Variants in EOLA2 observed in about 807,000 individuals in gnomAD.
EOLA2 encodes the protein endothelium and lymphocyte associated ASCH domain 2.
Under a neutral mutation model 4.1 loss-of-function variants are expected in EOLA2, and 3 were observed. The ratio of observed to expected loss-of-function variants is 0.73; its 90% CI spans 0.33 to 1.89. EOLA2 has a LOEUF of 1.89. Among genes scored for constraint, EOLA2 ranks in the 40% most tolerant of loss-of-function variants. EOLA2 has a pLI of 0.08. For synonymous variants in EOLA2, 52 were observed against 51.7 expected, an observed-to-expected ratio of 1.01 and a Z score of -0.03; for missense variants, 109 against 126.4, an observed-to-expected ratio of 0.86 and a Z score of 0.66.
intron 2 of EOLA2, chrX:149,934,630 A>T (rs1557375489): frequency 1.3e-6 from 1 of 751,304 alleles, no homozygotes; most frequent in African/African-American, 2.3e-5. Flanking sequence ...CATGCCTTCC[A>T]CGTGCCAGCC....
chrX:149,937,875 A>C (rs1488290791), intron 1 of EOLA2, among the ~76,000 whole-genome samples: 1 of 112,875 alleles, frequency 8.9e-6, no homozygotes, highest in African/African-American at 3.2e-5. Context: ...GCACGGGGCC[A>C]CAGGCCACAG....
At position 149,933,333 on chromosome X, in the gene EOLA2, CCAAACACCA is replaced by C. The variant is rs1170263292; in HGVS notation, c.253+280_253+288del. 2.2e-4 allele frequency among the ~76,000 whole-genome samples: 23 copies of C among 106,904 alleles called. No individual in the cohort carries two copies. The East Asian group carries it at 6.3e-3, about 29-fold the overall frequency. 92.8% of individuals were successfully genotyped at this position (106,904 alleles called of 115,157 possible). A position where few individuals can be genotyped will look rare whatever the true frequency, so the allele number is the denominator to read the frequency against. ...CACATGTATGTGCAAATACACACAG[CCAAACACCA>C]CAAACACCATGTGCACATGGCCCTG... On this transcript the variant is annotated intron_variant, in intron 4 of 4. Coordinates refer to ENST00000370406, the MANE Select transcript of EOLA2 (RefSeq NM_001013845.2).
chrX:149,931,701 A>G (rs1291284002), downstream of EOLA2, among the ~76,000 whole-genome samples: 1 of 77,678 alleles, frequency 1.3e-5, no homozygotes, highest in African/African-American at 4.9e-5. Flanking sequence ...ATGTACAACC[A>G]CCATAACATC....
chrX:149,930,036 C>CA (rs2090855860), downstream of EOLA2: 21 of 1,159,215 alleles, frequency 1.8e-5, no homozygotes, highest in Non-Finnish European at 2.3e-5. Flanking sequence ...ATCTTCAAAA[C>CA]AGACAACTTG....
At chrX:149,933,456 C>A (rs1412810492) in intron 4 of EOLA2, among the ~76,000 whole-genome samples, 166 bp downstream of exon 4, 2 of 110,441 alleles carry the variant, frequency 1.8e-5, no homozygotes, top group Non-Finnish European at 3.8e-5. Flanking sequence ...GCCATACCAA[C>A]CCCCAGCCCA....
chrX:149,936,157 G>C (rs1299908891), intron 2 of EOLA2, among the ~76,000 whole-genome samples: 2 of 101,966 alleles, frequency 2.0e-5, no homozygotes, highest in Non-Finnish European at 4.0e-5. Flanking sequence ...CTTCCTCTCA[G>C]GGCACTCAAG....
At chrX:149,930,131 A>AAGT (rs782072775), downstream of EOLA2, 61,716 of 1,149,349 alleles carry the variant, frequency 0.054, 1,437 homozygotes, top group Admixed American at 0.074. Context: ...AATGATGGTA[A>AAGT]AGTAGAAAGC....
At chrX:149,934,667 T>A (rs1557375517) in intron 2 of EOLA2, 2 of 749,305 alleles carry the variant, frequency 2.7e-6, no homozygotes, top group South Asian at 6.8e-5. Flanking sequence ...CTTCAGATCA[T>A]CAAATTGAAT....
intron 1 of EOLA2, 107 bp downstream of exon 1, chrX:149,938,086 C>T (rs1264400930): frequency 8.8e-6 from 1 of 113,190 alleles, no homozygotes; most frequent in East Asian, 2.8e-4. Context: ...TCGGGCGCGC[C>T]CCGCACGGGT....
chrX:149,937,685 C>T (rs56029920), intron 1 of EOLA2, among the ~76,000 whole-genome samples: 382 of 112,545 alleles, frequency 3.4e-3, no homozygotes, highest in Non-Finnish European at 5.2e-3. Flanking sequence ...GTCTGGGTCA[C>T]AGGGTGCACC....
intron 2 of EOLA2, 126 bp downstream of exon 2, chrX:149,937,307 C>T (rs1380081881): frequency 3.2e-5 from 5 of 157,395 alleles, no homozygotes; most frequent in Non-Finnish European, 5.3e-5. Flanking sequence ...CTTAGCCAAC[C>T]CTTTTCTCGT....
chrX:149,933,304 C>T (rs1569562143), intron 4 of EOLA2, among the ~76,000 whole-genome samples: 2 of 103,207 alleles, frequency 1.9e-5, no homozygotes, highest in Non-Finnish European at 3.9e-5. Context: ...CACATGTGCA[C>T]TCACACATGT....
chrX:149,933,664 A>G lies in EOLA2; in HGVS notation c.211T>C (p.Leu71=). The change falls in exon 4 of 5, where the codon TTG becomes CTG. Residue 71 remains leucine (L), a synonymous_variant. Transcript: ENST00000370406. ...CCAAACTTTTCCCCTTTCCTGAGCA[A>G]GGCCTGAATCTGAGCAGGAGTCATC... is the stretch of plus-strand genomic sequence containing the variant. ...LGMTPAQIQA[L]LRKGEKFGRG... 8.3e-7 allele frequency: 1 copy of G among 1,207,691 alleles called. No homozygotes were observed. The highest frequency in any genetic ancestry group is 1.1e-6 in the Non-Finnish European group (1 of 894,720).
Position 149,933,402 on chromosome X carries a change from C to G in EOLA2, c.253+220G>C, listed in dbSNP as rs375577209. Among the ~76,000 whole-genome samples the G allele has an allele frequency of 6.3e-5, 7 of 110,608 alleles. No homozygotes were observed. In the South Asian group the frequency reaches 1.9e-3, roughly 31 times the overall value. The stretch of plus-strand genomic sequence containing the variant: ...CTCACTGAGATCAGAAACAGAACTG[C>G]GGCCCAGAGTGGAGAAATGATTTAC... On this transcript the variant is annotated intron_variant, in intron 4 of 4. Coordinates refer to ENST00000370406, the MANE Select transcript of EOLA2 (RefSeq NM_001013845.2).
At chrX:149,937,537 G>C in intron 1 of EOLA2, 57 bp from the exon 2 acceptor site, 3 of 337,121 alleles carry the variant, frequency 8.9e-6, no homozygotes, top group Non-Finnish European at 1.2e-5. Context: ...AGCAAAGCTG[G>C]TTAATGGCCC....
chrX:149,934,291 C>A, intron 2 of EOLA2, 154 bp from the exon 3 acceptor site: 1 of 663,020 alleles, frequency 1.5e-6, no homozygotes, highest in Non-Finnish European at 1.8e-6. Flanking sequence ...GAGGGACAGT[C>A]CCACGCTCTG....
chrX:149,933,469 G>T (rs2124157149), intron 4 of EOLA2, among the ~76,000 whole-genome samples, 153 bp downstream of exon 4: 1 of 110,035 alleles, frequency 9.1e-6, no homozygotes, highest in Non-Finnish European at 1.9e-5. Flanking sequence ...CCAGCCCAAG[G>T]TCCTTGCCGC....
At chrX:149,936,785 TAGG>T (rs1557376205) in intron 2 of EOLA2, among the ~76,000 whole-genome samples, 8 of 107,717 alleles carry the variant, frequency 7.4e-5, no homozygotes, top group African/African-American at 2.7e-4. Context: ...CTGCACAGGC[TAGG>T]GCACGAGTTT....
At chrX:149,936,025 C>T (rs1287276696) in intron 2 of EOLA2, among the ~76,000 whole-genome samples, 2 of 88,253 alleles carry the variant, frequency 2.3e-5, no homozygotes, top group Non-Finnish European at 4.3e-5. Flanking sequence ...CAGCACTTGT[C>T]CTCTGCACTC....
Sources: allele counts gnomAD v4.1 joint callset (sites outside exome capture counted in the v4.1 genomes callset), GRCh38; gene constraint gnomAD v4.1.1; transcripts MANE v1.5; gene names NCBI Gene and HGNC (gene_info 2026-07-23, HGNC 2026-07-21).